GRIN2B: variants seen among roughly 807,000 people sequenced by gnomAD.
GRIN2B encodes glutamate ionotropic receptor NMDA type subunit 2B.
Under a neutral mutation model 114.5 loss-of-function variants are expected in GRIN2B, and 5 were observed. The observed-to-expected ratio is 0.04, with a 90% CI of 0.02 to 0.09. GRIN2B has a LOEUF of 0.09. Ranked by LOEUF, GRIN2B falls within the 10% of genes least tolerant of loss-of-function variation. The probability of loss-of-function intolerance (pLI) is 1.00; values close to 1 mark genes in which losing one functional copy is unlikely to be tolerated. For missense variants in GRIN2B, 1,108 were observed against 1,943.5 expected (o/e 0.57, Z 8.08); for synonymous variants, 787 against 745.1 (o/e 1.06, Z -0.92).
At position 13,585,535 on chromosome 12, in the gene GRIN2B, C is replaced by T. The variant is rs543233003; in HGVS notation, c.2011-13571G>A. 1.1e-4 allele frequency among the ~76,000 whole-genome samples: 16 copies of T among 152,334 alleles called. 1 individual carries two copies. The highest frequency in any genetic ancestry group is 3.4e-4 in the African/African-American group (14 of 41,572). On this transcript the variant is annotated intron_variant, in intron 10 of 13. Coordinates refer to ENST00000609686, the MANE Select transcript of GRIN2B (RefSeq NM_000834.5). ...GGGATGCAGCCTGGCGATCCCACCA[C>T]GCACACTGCATGCCCCTCGGGGTTC... is the stretch of plus-strand genomic sequence containing the variant.
chr12:13,567,986 C>G (rs1948663405), intron 12 of GRIN2B, among the ~76,000 whole-genome samples: 1 of 151,776 alleles, frequency 6.6e-6, no homozygotes, highest in Non-Finnish European at 1.5e-5. Flanking sequence ...AGGGAGAAGA[C>G]AAGCAGAGAG....
intron 5 of GRIN2B, among the ~76,000 whole-genome samples, chr12:13,661,776 T>A (rs1293298049): frequency 1.3e-5 from 2 of 152,192 alleles, no homozygotes; most frequent in Non-Finnish European, 2.9e-5. Flanking sequence ...GAACGCAGTG[T>A]TGCCCATCTT....
intron 4 of GRIN2B, among the ~76,000 whole-genome samples, chr12:13,678,233 A>G (rs1950094168): frequency 6.6e-6 from 1 of 152,152 alleles, no homozygotes; most frequent in Admixed American, 6.6e-5. Context: ...TATAAACTGC[A>G]TGCATTTTAC....
chr12:13,599,346 A>G (rs933047485), intron 10 of GRIN2B, among the ~76,000 whole-genome samples: 2 of 152,136 alleles, frequency 1.3e-5, no homozygotes, highest in Admixed American at 6.5e-5. Context: ...CACTCTTGCC[A>G]CCATTACAGC....
intron 3 of GRIN2B, among the ~76,000 whole-genome samples, chr12:13,789,154 A>T (rs1864273098): frequency 6.6e-6 from 1 of 152,178 alleles, no homozygotes; most frequent in African/African-American, 2.4e-5. Flanking sequence ...TGTTTTATCC[A>T]TAGACTTGCA....
At chr12:13,578,168 C>A (rs1413348038) in intron 10 of GRIN2B, among the ~76,000 whole-genome samples, 2 of 152,182 alleles carry the variant, frequency 1.3e-5, no homozygotes, top group Non-Finnish European at 2.9e-5. Context: ...AATCCTCCTA[C>A]CTCAGCCTCC....
chr12:13,628,327 A>T (rs1453771788), intron 5 of GRIN2B, among the ~76,000 whole-genome samples: 1 of 152,168 alleles, frequency 6.6e-6, no homozygotes, highest in Non-Finnish European at 1.5e-5. Context: ...GTCAGAAATG[A>T]TTATACTGGT....
At chr12:13,571,589 T>TA (rs960677290) in intron 11 of GRIN2B, among the ~76,000 whole-genome samples, 79 of 152,086 alleles carry the variant, frequency 5.2e-4, no homozygotes, top group African/African-American at 1.8e-3. Context: ...AAATAATTTG[T>TA]AAAAAAAATA....
intron 3 of GRIN2B, among the ~76,000 whole-genome samples, chr12:13,791,215 G>A (rs1864313380): frequency 6.6e-6 from 1 of 152,152 alleles, no homozygotes; most frequent in Admixed American, 6.5e-5. Flanking sequence ...TGTAATCCCA[G>A]CACTTTGGGA....
At position 13,603,768 on chromosome 12, in the gene GRIN2B, G is replaced by A. The variant is rs1282323844; in HGVS notation, c.2010+4835C>T. Among the ~76,000 whole-genome samples the A allele has an allele frequency of 2.0e-5, 3 of 152,074 alleles. No individual in the cohort carries two copies. In the East Asian group the frequency reaches 5.8e-4, roughly 29 times the overall value. ...GGTGTCAATTCCAGTCCTTATCTAT[G>A]TCACAGCTTTCCCTGAGATTAGCTA... On this transcript the variant is annotated intron_variant, in intron 10 of 13. Coordinates refer to ENST00000609686, the MANE Select transcript of GRIN2B (RefSeq NM_000834.5).
intron 5 of GRIN2B, 125 bp downstream of exon 5, chr12:13,675,620 A>G: frequency 1.4e-6 from 1 of 733,394 alleles, no homozygotes; most frequent in Middle Eastern, 2.3e-4. Context: ...CCTGTGTATC[A>G]AGGTATTGAT....
intron 4 of GRIN2B, among the ~76,000 whole-genome samples, chr12:13,696,942 G>C (rs1216639522): frequency 6.6e-6 from 1 of 152,254 alleles, no homozygotes; most frequent in African/African-American, 2.4e-5. Context: ...CGTTCTTTAT[G>C]CTTCTCCATA....
In GRIN2B at chr12:13,753,305, T is replaced by C. The variant is rs778207391; in HGVS notation, c.1010+12A>G. 7.0e-7 allele frequency: 1 copy of C among 1,430,658 alleles called. No homozygotes were observed. Among genetic ancestry groups the C allele is most frequent in the Non-Finnish European group, 9.9e-7 (1 of 1,012,658 alleles). 88.6% of individuals were successfully genotyped at this position (1,430,658 alleles called of 1,614,324 possible). On this transcript the variant is annotated intron_variant, in intron 4 of 13. Transcript: ENST00000609686. The surrounding 1 kb of genome is among the most constrained non-coding windows in gnomAD (Gnocchi z 6.2). ...ATCTCCACCATCAATGTGCCCTCTG[T>C]TCCACACTCACCTATTTAGCATATT...
At chr12:13,644,481 G>T (rs1949745572) in intron 5 of GRIN2B, among the ~76,000 whole-genome samples, 1 of 152,138 alleles carries the variant, frequency 6.6e-6, no homozygotes, top group Non-Finnish European at 1.5e-5. Context: ...AAGGCCCTAG[G>T]ATTTTTGGAA....
chr12:13,795,375 GA>G (rs5796562), intron 3 of GRIN2B, among the ~76,000 whole-genome samples: 15 of 147,420 alleles, frequency 1.0e-4, no homozygotes, highest in East Asian at 2.0e-4. Context: ...ATGCAGTGGC[GA>G]AAAAAAAAAA....
intron 2 of GRIN2B, among the ~76,000 whole-genome samples, chr12:13,870,044 C>A (rs1256755405): frequency 6.6e-6 from 1 of 152,052 alleles, no homozygotes; most frequent in African/African-American, 2.4e-5. Context: ...TATGATAGCA[C>A]AAAGTGAGTG....
chr12:13,847,588 C>T (rs967702238), intron 3 of GRIN2B, among the ~76,000 whole-genome samples: 1 of 152,022 alleles, frequency 6.6e-6, no homozygotes, highest in East Asian at 1.9e-4. Context: ...AGGTAGAAGC[C>T]GTGTGGAACA....
chr12:13,603,621 T>TAATAAC (rs1455688012), intron 10 of GRIN2B, among the ~76,000 whole-genome samples: 2 of 151,786 alleles, frequency 1.3e-5, no homozygotes, highest in African/African-American at 2.4e-5. Flanking sequence ...TTATTAATAA[T>TAATAAC]AATAACAATG....
At chr12:13,700,662 C>T (rs2216129) in intron 4 of GRIN2B, among the ~76,000 whole-genome samples, 75,053 of 152,060 alleles carry the variant, frequency 0.49, 19,075 homozygotes, top group East Asian at 0.83. Context: ...ATATGAGTAC[C>T]CCACCTTGGG....
Sources: gnomAD v4.1 joint callset for allele counts (sites outside exome capture counted in the v4.1 genomes callset) on GRCh38, gnomAD v4.1.1 for gene constraint, Gnocchi (gnomAD v3.1) non-coding constraint, MANE v1.5 for transcripts, NCBI Gene and HGNC (gene_info 2026-07-23, HGNC 2026-07-21) for gene names.